Variants in TMEM222 observed in about 807,000 individuals in gnomAD.
TMEM222 encodes transmembrane protein 222.
A neutral mutation model predicts 25.1 loss-of-function variants in TMEM222; 18 were observed. The observed-to-expected ratio is 0.72, with a 90% confidence interval of 0.50 to 1.06. The LOEUF (loss-of-function observed/expected upper bound fraction) is 1.06, where lower values mean the gene tolerates loss of function less well. Ranked by LOEUF, TMEM222 falls within the 50% of genes least tolerant of loss-of-function variation. The probability of loss-of-function intolerance (pLI) is 0.00; values close to 1 mark genes in which losing one functional copy is unlikely to be tolerated. For synonymous variants in TMEM222, 131 were observed against 117.9 expected (o/e 1.11, Z -0.72); for missense variants, 296 against 293.7 (o/e 1.01, Z -0.06).
intron 3 of TMEM222, 68 bp from the exon 4 acceptor site, chr1:27,333,890 G>T (rs1345121104): frequency 1.3e-5 from 19 of 1,444,780 alleles, no homozygotes; most frequent in Non-Finnish European, 1.8e-5. Flanking sequence ...GCAGGCCTCA[G>T]AGGACGTGCG....
At chr1:27,333,611 C>T (rs1235734761) in intron 3 of TMEM222, 1 of 402,192 alleles carries the variant, frequency 2.5e-6, no homozygotes, top group Non-Finnish European at 4.9e-6. Flanking sequence ...GACACGGATC[C>T]CATTCATGAG....
intron 3 of TMEM222, 47 bp from the exon 4 acceptor site, chr1:27,333,911 G>A (rs775026906): frequency 3.2e-6 from 5 of 1,570,738 alleles, no homozygotes; most frequent in Non-Finnish European, 2.6e-6. Context: ...TAGAGCTGAG[G>A]GCACAAAGGA....
intron 5 of TMEM222, 197 bp downstream of exon 5, chr1:27,334,478 C>T: frequency 1.6e-6 from 2 of 1,272,334 alleles, no homozygotes; most frequent in South Asian, 3.1e-5. Flanking sequence ...TCCAGCTCCA[C>T]CTGGGCCCCA....
intron 1 of TMEM222, 131 bp downstream of exon 1, chr1:27,322,522 C>G (rs1026576490): frequency 2.4e-6 from 2 of 840,174 alleles, no homozygotes; most frequent in Admixed American, 8.4e-5. Flanking sequence ...CTCGCCCAGT[C>G]ACCAGAACCC....
In TMEM222 at chr1:27,331,611, G is replaced by A. The variant is rs140377358; in HGVS notation, c.280-459G>A. 1.3e-3 allele frequency among the ~76,000 whole-genome samples: 199 copies of A among 152,286 alleles called. 1 individual carries two copies. In the Middle Eastern group the frequency reaches 0.031, roughly 23 times the overall value. On this transcript the variant is annotated intron_variant, in intron 2 of 5. Coordinates refer to ENST00000374076, the MANE Select transcript of TMEM222 (RefSeq NM_032125.3). ...CACAGGAAGTCCCTCTGGGCCCAGC[G>A]CCCCCGCCCTGCTATGAATGCAGTC...
In TMEM222 at chr1:27,335,384, G is replaced by A. The variant is rs148790942; in HGVS notation, c.545G>A (p.Gly182Glu). 7 of 1,614,076 alleles carry A rather than the reference G, an allele frequency of 4.3e-6. No homozygotes were observed. The African/African-American group carries it at 9.3e-5, about 22-fold the overall frequency. Residue 182 changes from glycine to glutamate, a missense_variant, in exon 6 of 6, where the codon GGG becomes GAG. Gly to Glu is a moderately conservative substitution (Grantham distance 98, BLOSUM62 -2). Transcript: ENST00000374076. ...CLLYGKYVSV[G>E]AFVKTWLPFI... ...CGCTCCTTTCTCTCTGTCAGCGTTGGGGCCTTCGTGAAGACCTGGCTGCCC... is the reference window on the plus strand; with the variant it reads ...CGCTCCTTTCTCTCTGTCAGCGTTGAGGCCTTCGTGAAGACCTGGCTGCCC...
chr1:27,327,993 G>C (rs1012389124), intron 1 of TMEM222, among the ~76,000 whole-genome samples: 2 of 152,204 alleles, frequency 1.3e-5, no homozygotes, highest in African/African-American at 4.8e-5. Context: ...AGGCACTGCC[G>C]TAGTAAACAA....
rs764757778 is a variant in TMEM222, at chr1:27,334,193, G to C, written c.451G>C (p.Ala151Pro). 17 of 1,614,054 alleles carry C rather than the reference G, an allele frequency of 1.1e-5. No homozygotes were observed. Among genetic ancestry groups the C allele is most frequent in the Admixed American group, 3.3e-5 (2 of 60,014 alleles). ...CAACTGCCACTCGCACGTGGCATTG[G>C]CCCTGAATCTGATGCGCTACAACAA... ...CDNCHSHVALALNLMRYNNST... is the reference protein window; with the variant it reads ...CDNCHSHVALPLNLMRYNNST... The change falls in exon 5 of 6, where the codon GCC becomes CCC. Residue 151 changes from alanine to proline, a missense_variant. Physicochemically the swap from Ala to Pro is conservative, Grantham distance 27 (BLOSUM62 -1). Coordinates refer to ENST00000374076, the MANE Select transcript of TMEM222 (RefSeq NM_032125.3).
At chr1:27,334,688 T>G (rs868589544) in intron 5 of TMEM222, 2 of 1,386,514 alleles carry the variant, frequency 1.4e-6, no homozygotes, top group African/African-American at 1.5e-5. Context: ...GGCAGAGAGA[T>G]TGAGTGAGTC....
At chr1:27,329,223 A>G (rs995681305) in intron 1 of TMEM222, among the ~76,000 whole-genome samples, 23 of 145,680 alleles carry the variant, frequency 1.6e-4, no homozygotes, top group African/African-American at 5.8e-4. Flanking sequence ...TTTTTTTTTA[A>G]CTTTCTTATT....
rs370317155 is a variant in TMEM222 at position 27,322,235 on chromosome 1, C to T, written c.38C>T (p.Pro13Leu). Residue 13 changes from proline to leucine, a missense_variant, in exon 1 of 6, where the codon CCG (proline) becomes CTG (leucine). Coordinates refer to ENST00000374076, the MANE Select transcript of TMEM222 (RefSeq NM_032125.3). ...EAEGSSLLLL[P>L]PPPPPPRMAE... ...GAAGGGAGTTCTCTGCTCTTGTTGC[C>T]GCCGCCGCCACCCCCGCCCAGGATG... 75 of 1,457,350 alleles carry T rather than the reference C, an allele frequency of 5.1e-5. No homozygotes were observed. Among genetic ancestry groups the T allele is most frequent in the Non-Finnish European group, 6.7e-5 (74 of 1,098,524 alleles). The allele number at this position is 1,457,350 out of a possible 1,614,324, so 90.3% of individuals were successfully genotyped here.
At chr1:27,322,427 G>A in intron 1 of TMEM222, 36 bp downstream of exon 1, 1 of 1,345,908 alleles carries the variant, frequency 7.4e-7, no homozygotes, top group Non-Finnish European at 9.6e-7. Flanking sequence ...GGGACGAGGA[G>A]GGCCCAGGGA....
chr1:27,332,514 C>G (rs1267828825), intron 3 of TMEM222: 1 of 718,150 alleles, frequency 1.4e-6, no homozygotes, highest in Non-Finnish European at 2.6e-6. Flanking sequence ...GTTTGGAGCT[C>G]TGCTGGAAAG....
chr1:27,334,604 C>T (rs2014560987), intron 5 of TMEM222: 2 of 1,443,538 alleles, frequency 1.4e-6, no homozygotes, highest in South Asian at 2.8e-5. Flanking sequence ...AGGGAGGCTT[C>T]TACGGATCCC....
chr1:27,326,070 C>T (rs1208955719), intron 1 of TMEM222, among the ~76,000 whole-genome samples: 1 of 152,178 alleles, frequency 6.6e-6, no homozygotes, highest in Non-Finnish European at 1.5e-5. Flanking sequence ...GTGGCTTGGT[C>T]ACTGCGTGGC....
At chr1:27,325,102 A>G (rs372893228) in intron 1 of TMEM222, 4 of 327,354 alleles carry the variant, frequency 1.2e-5, no homozygotes, top group African/African-American at 8.6e-5. Context: ...CTAGGCATAG[A>G]TGTGGCGCAA....
At chr1:27,332,889 C>T (rs1174550259) in intron 3 of TMEM222, 1 of 297,614 alleles carries the variant, frequency 3.4e-6, no homozygotes, top group African/African-American at 2.2e-5. Context: ...CAAGCAGTAG[C>T]CCCTAAGCGG....
intron 1 of TMEM222, among the ~76,000 whole-genome samples, chr1:27,323,271 G>A (rs2014251647): frequency 6.6e-6 from 1 of 152,190 alleles, no homozygotes; most frequent in Admixed American, 6.5e-5. Flanking sequence ...GATCTAACTT[G>A]CTCTTTGCAC....
At chr1:27,335,023 C>A (rs1571015324) in intron 5 of TMEM222, 2 of 347,992 alleles carry the variant, frequency 5.7e-6, no homozygotes, top group East Asian at 6.4e-5. Flanking sequence ...ACGTGGCTTC[C>A]ATACCCAAAC....
Sources: allele counts gnomAD v4.1 joint callset (sites outside exome capture counted in the v4.1 genomes callset), GRCh38; gene constraint gnomAD v4.1.1; transcripts MANE v1.5; gene names NCBI Gene and HGNC (gene_info 2026-07-23, HGNC 2026-07-21).